Variants in CPQ observed in about 807,000 individuals in gnomAD.
CPQ encodes the protein Ser-Met dipeptidase.
A neutral mutation model predicts 45.7 loss-of-function variants in CPQ; 37 were observed. The ratio of observed to expected loss-of-function variants is 0.81; its 90% confidence interval spans 0.62 to 1.07. The LOEUF (loss-of-function observed/expected upper bound fraction) is 1.07, where lower values mean the gene tolerates loss of function less well. Among genes scored for constraint, CPQ ranks in the 50% least tolerant of loss-of-function variants. The pLI is 0.00. For missense variants in CPQ, 537 were observed against 572.9 expected (o/e 0.94, Z 0.64); for synonymous variants, 186 against 205.8 (o/e 0.90, Z 0.82).
At chr8:97,048,087 CT>C (rs973767844) in intron 6 of CPQ, among the ~76,000 whole-genome samples, 12 of 152,158 alleles carry the variant, frequency 7.9e-5, no homozygotes, top group Non-Finnish European at 1.5e-4. Context: ...GAATGGACCC[CT>C]ACCTGTGCTA....
intron 7 of CPQ, among the ~76,000 whole-genome samples, chr8:97,111,797 GAACAA>G (rs1313160996): frequency 1.3e-5 from 2 of 152,268 alleles, no homozygotes; most frequent in East Asian, 3.9e-4. Flanking sequence ...TAAATATCTT[GAACAA>G]AACAAGAGGA....
At chr8:96,733,993 A>G (rs1809946075) in intron 1 of CPQ, among the ~76,000 whole-genome samples, 1 of 152,168 alleles carries the variant, frequency 6.6e-6, no homozygotes, top group South Asian at 2.1e-4. Context: ...GTGTTCTCCA[A>G]TTCAGTAGTT....
At chr8:96,785,694 A>G (rs1173467794) in intron 2 of CPQ, among the ~76,000 whole-genome samples, 1 of 152,178 alleles carries the variant, frequency 6.6e-6, no homozygotes, top group Admixed American at 6.6e-5. Context: ...AGTGTGAATA[A>G]TTTTTTAGAA....
chr8:96,936,946 G>C (rs1813059922), intron 4 of CPQ, among the ~76,000 whole-genome samples: 1 of 152,034 alleles, frequency 6.6e-6, no homozygotes, highest in African/African-American at 2.4e-5. Flanking sequence ...GGATTTAGCA[G>C]CATGTGATAT....
At chr8:96,712,029 A>C (rs1027935461) in intron 1 of CPQ, among the ~76,000 whole-genome samples, 10 of 152,162 alleles carry the variant, frequency 6.6e-5, no homozygotes, top group Non-Finnish European at 1.5e-4. Context: ...ACTATTCCAG[A>C]TGGGAGAAAT....
At chr8:96,671,617 C>T (rs540815080) in intron 1 of CPQ, among the ~76,000 whole-genome samples, 120 of 152,206 alleles carry the variant, frequency 7.9e-4, no homozygotes, top group African/African-American at 2.6e-3. Context: ...TATTGTAATA[C>T]ATTAAATTTG....
chr8:96,683,537 G>A lies in CPQ; in HGVS notation c.-35+38135G>A, dbSNP rs968126572. Among the ~76,000 whole-genome samples, 4 of 152,124 alleles carry A rather than the reference G, an allele frequency of 2.6e-5. No homozygotes were observed. The East Asian group carries it at 5.8e-4, about 22-fold the overall frequency. On this transcript the variant is annotated intron_variant, in intron 1 of 7. Coordinates refer to ENST00000220763, the MANE Select transcript of CPQ (RefSeq NM_016134.4). ...GGATTATGTCTATTTGTGAGTTTTTGTGCTTCTTGTACCTGGATGCCTAAA... is the reference window on the plus strand; with the variant it reads ...GGATTATGTCTATTTGTGAGTTTTTATGCTTCTTGTACCTGGATGCCTAAA...
intron 7 of CPQ, among the ~76,000 whole-genome samples, chr8:97,133,785 C>CT (rs1812001132): frequency 6.6e-6 from 1 of 152,126 alleles, no homozygotes. Flanking sequence ...AATCTGGGAC[C>CT]TTTAATCAAC....
chr8:96,756,400 G>C (rs903800399), intron 1 of CPQ, among the ~76,000 whole-genome samples: 1 of 151,976 alleles, frequency 6.6e-6, no homozygotes, highest in African/African-American at 2.4e-5. Context: ...GGAATGTTTA[G>C]AGCATTCTGT....
chr8:96,725,696 A>G (rs1305827147), intron 1 of CPQ, among the ~76,000 whole-genome samples: 1 of 152,136 alleles, frequency 6.6e-6, no homozygotes, highest in Non-Finnish European at 1.5e-5. Context: ...GAAACTTAAA[A>G]CAGAACTGCC....
intron 7 of CPQ, among the ~76,000 whole-genome samples, chr8:97,087,086 A>G (rs1811051777): frequency 6.6e-6 from 1 of 152,140 alleles, no homozygotes; most frequent in African/African-American, 2.4e-5. Context: ...ACTTCTGCTT[A>G]TGCTTTCAGG....
intron 3 of CPQ, among the ~76,000 whole-genome samples, chr8:96,871,450 G>A (rs960232129): frequency 6.6e-6 from 1 of 150,502 alleles, no homozygotes. Flanking sequence ...CTAATAATTT[G>A]CCACAGGTGC....
At chr8:96,796,323 C>T (rs1659779478) in intron 2 of CPQ, among the ~76,000 whole-genome samples, 1 of 151,802 alleles carries the variant, frequency 6.6e-6, no homozygotes, top group African/African-American at 2.4e-5. Context: ...ATATCTCTTG[C>T]CTATTTTTCT....
At chr8:96,737,548 C>A (rs1810003989) in intron 1 of CPQ, among the ~76,000 whole-genome samples, 1 of 151,878 alleles carries the variant, frequency 6.6e-6, no homozygotes, top group African/African-American at 2.4e-5. Flanking sequence ...GCATGTCTCA[C>A]CTTTTTCACG....
At chr8:96,933,317 C>G (rs73279850) in intron 4 of CPQ, among the ~76,000 whole-genome samples, 2,932 of 152,242 alleles carry the variant, frequency 0.019, 110 homozygotes, top group African/African-American at 0.066. Context: ...TTCTCAGCAG[C>G]CCAGGCCCAT....
intron 3 of CPQ, among the ~76,000 whole-genome samples, chr8:96,867,559 A>T (rs1812011212): frequency 6.6e-6 from 1 of 151,994 alleles, no homozygotes; most frequent in South Asian, 2.1e-4. Flanking sequence ...CCTTTTGCCA[A>T]CTTGGAAAAT....
intron 1 of CPQ, among the ~76,000 whole-genome samples, chr8:96,757,428 C>T: frequency 6.7e-6 from 1 of 150,038 alleles, no homozygotes; most frequent in East Asian, 1.9e-4. Context: ...GAAGGCATTG[C>T]TTCTTTGTCT....
chr8:96,801,083 C>T (rs1811002277), intron 2 of CPQ, among the ~76,000 whole-genome samples: 1 of 150,834 alleles, frequency 6.6e-6, no homozygotes, highest in Admixed American at 6.6e-5. Context: ...TAAACCAATT[C>T]TCATGCCTCA....
At chr8:96,949,461 T>C (rs1355125334) in intron 4 of CPQ, among the ~76,000 whole-genome samples, 2 of 152,036 alleles carry the variant, frequency 1.3e-5, no homozygotes, top group African/African-American at 2.4e-5. Flanking sequence ...TCTGAAAGAC[T>C]TCCAGTCCAG....
Sources: gnomAD v4.1 joint callset for allele counts (sites outside exome capture counted in the v4.1 genomes callset) on GRCh38, gnomAD v4.1.1 for gene constraint, MANE v1.5 for transcripts, NCBI Gene and HGNC (gene_info 2026-07-23, HGNC 2026-07-21) for gene names.